MTA3: variants seen among roughly 807,000 people sequenced by gnomAD.
MTA3 encodes metastasis-associated protein MTA3.
Under a neutral mutation model 83.5 loss-of-function variants are expected in MTA3, and 34 were observed. The ratio of observed to expected loss-of-function variants is 0.41; its 90% confidence interval spans 0.31 to 0.54. MTA3 has a LOEUF of 0.54. Among genes scored for constraint, MTA3 ranks in the 20% least tolerant of loss-of-function variants. The pLI is 0.33. For missense variants in MTA3, 761 were observed against 726.4 expected (o/e 1.05, Z -0.55); for synonymous variants, 303 against 252.7 (o/e 1.20, Z -1.89).
At chr2:42,667,578 G>GTGTGTGTGTGTGTT (rs1553379080) in intron 8 of MTA3, among the ~76,000 whole-genome samples, 30,091 of 129,664 alleles carry the variant, frequency 0.23, 3,361 homozygotes, top group Middle Eastern at 0.32. Context: ...AATTGTGTGT[G>GTGTGTGTGTGTGTT]TGTGTGTGTG....
intron 7 of MTA3, among the ~76,000 whole-genome samples, chr2:42,657,561 C>T (rs1352855121): frequency 2.6e-5 from 4 of 152,098 alleles, no homozygotes; most frequent in Admixed American, 6.6e-5. Flanking sequence ...GTATGTTTCC[C>T]CTCAAAGCCA....
intron 11 of MTA3, among the ~76,000 whole-genome samples, chr2:42,699,863 A>G (rs1434224586): frequency 1.3e-5 from 2 of 152,202 alleles, no homozygotes; most frequent in African/African-American, 2.4e-5. Flanking sequence ...TCAGCATACA[A>G]TAATTATATT....
At chr2:42,589,937 T>A (rs987794870) in intron 3 of MTA3, among the ~76,000 whole-genome samples, 3 of 151,986 alleles carry the variant, frequency 2.0e-5, no homozygotes, top group African/African-American at 7.3e-5. Context: ...AGATTTAGGG[T>A]GGTTGAGAGG....
intron 2 of MTA3, among the ~76,000 whole-genome samples, chr2:42,505,120 G>A (rs1488935185): frequency 1.3e-5 from 2 of 152,112 alleles, no homozygotes; most frequent in Non-Finnish European, 2.9e-5. Context: ...GGGGTGGGAC[G>A]TGGTGACTCA....
intron 9 of MTA3, among the ~76,000 whole-genome samples, chr2:42,684,034 G>A (rs923147260): frequency 2.0e-5 from 3 of 152,100 alleles, no homozygotes; most frequent in African/African-American, 7.2e-5. Context: ...ATTGTGAAAT[G>A]ATTACCACAA....
chr2:42,740,284 G>A (rs1245203107), intron 16 of MTA3, among the ~76,000 whole-genome samples: 1 of 152,236 alleles, frequency 6.6e-6, no homozygotes, highest in African/African-American at 2.4e-5. Flanking sequence ...GCCAAGACAG[G>A]TGGATTGCTT....
intron 4 of MTA3, among the ~76,000 whole-genome samples, chr2:42,618,807 C>T (rs1289865662): frequency 6.6e-6 from 1 of 152,074 alleles, no homozygotes; most frequent in Non-Finnish European, 1.5e-5. Flanking sequence ...GTTCGGGTCT[C>T]ATATTATTGT....
intron 2 of MTA3, among the ~76,000 whole-genome samples, chr2:42,507,504 G>A (rs971133742): frequency 6.6e-6 from 1 of 151,956 alleles, no homozygotes; most frequent in South Asian, 2.1e-4. Context: ...AAATAGTTAT[G>A]AGTGGTTATT....
At chr2:42,667,373 A>G (rs946206264) in intron 8 of MTA3, among the ~76,000 whole-genome samples, 3 of 152,036 alleles carry the variant, frequency 2.0e-5, no homozygotes, top group African/African-American at 7.2e-5. Flanking sequence ...CATTTTCCCA[A>G]ACAGAAACCT....
At chr2:42,725,846 T>C (rs2104550210) in intron 16 of MTA3, among the ~76,000 whole-genome samples, 1 of 152,290 alleles carries the variant, frequency 6.6e-6, no homozygotes, top group Non-Finnish European at 1.5e-5. Flanking sequence ...GGAAGTGTGC[T>C]TGTAGAGTCC....
intron 15 of MTA3, 62 bp downstream of exon 15, chr2:42,719,136 G>A: frequency 1.6e-6 from 2 of 1,285,594 alleles, no homozygotes; most frequent in African/African-American, 1.5e-5. Context: ...TAGATATTTG[G>A]CAATTCTAAA....
intron 6 of MTA3, among the ~76,000 whole-genome samples, chr2:42,650,862 A>G (rs766514570): frequency 6.6e-6 from 1 of 152,210 alleles, no homozygotes; most frequent in Non-Finnish European, 1.5e-5. Flanking sequence ...AAAACATTTT[A>G]TATCTACTTC....
chr2:42,569,500 C>A (rs2103823711), intron 1 of MTA3: 1 of 152,342 alleles, frequency 6.6e-6, no homozygotes, highest in Admixed American at 6.5e-5. Context: ...AATAATAATT[C>A]AGATAAGTGG....
chr2:42,714,732 G>A (rs1014417093), intron 14 of MTA3, among the ~76,000 whole-genome samples: 3 of 152,192 alleles, frequency 2.0e-5, no homozygotes, highest in African/African-American at 2.4e-5. Context: ...GGTGTGGGCC[G>A]TGATGGTTTT....
intron 15 of MTA3, among the ~76,000 whole-genome samples, chr2:42,722,396 C>T (rs139897166): frequency 2.0e-5 from 3 of 152,232 alleles, no homozygotes; most frequent in East Asian, 1.9e-4. Flanking sequence ...TTCTAGGCTG[C>T]GAGTAATTGA....
At chr2:42,537,871 G>A (rs1272006961) in intron 2 of MTA3, among the ~76,000 whole-genome samples, 3 of 152,118 alleles carry the variant, frequency 2.0e-5, no homozygotes, top group Non-Finnish European at 4.4e-5. Context: ...ATATGTTGAG[G>A]TGATAGGGGG....
intron 15 of MTA3, among the ~76,000 whole-genome samples, chr2:42,722,142 C>T (rs976327736): frequency 6.6e-6 from 1 of 152,176 alleles, no homozygotes; most frequent in African/African-American, 2.4e-5. Context: ...TAGAAAAAGG[C>T]TGCCCAGCTT....
At chr2:42,544,932 A>AT (rs1172343604) in intron 2 of MTA3, among the ~76,000 whole-genome samples, 2 of 152,190 alleles carry the variant, frequency 1.3e-5, no homozygotes, top group African/African-American at 4.8e-5. Context: ...CACAGCTGGC[A>AT]TTTTGACAAC....
intron 2 of MTA3, among the ~76,000 whole-genome samples, chr2:42,507,124 C>T (rs559561039): frequency 1.3e-5 from 2 of 152,140 alleles, no homozygotes; most frequent in Non-Finnish European, 2.9e-5. Flanking sequence ...TGGTTCCCAG[C>T]TCCTGGGCTC....
Sources: allele counts gnomAD v4.1 joint callset (sites outside exome capture counted in the v4.1 genomes callset), GRCh38; gene constraint gnomAD v4.1.1; transcripts MANE v1.5; gene names NCBI Gene and HGNC (gene_info 2026-07-23, HGNC 2026-07-21).